The following ZBTB7C variants were observed in gnomAD, a reference collection of about 807,000 sequenced individuals.
ZBTB7C encodes the protein zinc finger and BTB domain-containing protein 7C.
Under a neutral mutation model 25.7 loss-of-function variants are expected in ZBTB7C, and 8 were observed. The ratio of observed to expected loss-of-function variants is 0.31; its 90% CI spans 0.18 to 0.56. The LOEUF (loss-of-function observed/expected upper bound fraction) is 0.56, where lower values mean the gene tolerates loss of function less well. ZBTB7C is among the 20% of genes least tolerant of loss of function. The pLI, the probability that ZBTB7C is intolerant of heterozygous loss-of-function variation, is 0.91. For synonymous variants in ZBTB7C, 394 were observed against 369.0 expected (o/e 1.07, Z -0.78); for missense variants, 824 against 855.2 (o/e 0.96, Z 0.46).
intron 3 of ZBTB7C, among the ~76,000 whole-genome samples, chr18:48,099,963 A>C (rs1425744909): frequency 2.0e-5 from 3 of 152,196 alleles, no homozygotes; most frequent in Non-Finnish European, 4.4e-5. Context: ...TGCAGCCTTA[A>C]CAGCGACCTC....
At chr18:48,216,827 C>T (rs2042835835) in intron 2 of ZBTB7C, among the ~76,000 whole-genome samples, 1 of 152,142 alleles carries the variant, frequency 6.6e-6, no homozygotes, top group African/African-American at 2.4e-5. Context: ...TGTGTCCACC[C>T]CGAATTCATG....
chr18:48,367,196 TATATATACAC>T lies in ZBTB7C; in HGVS notation c.-303-28808_-303-28799del, dbSNP rs1227929874. On this transcript the variant is annotated intron_variant, in intron 1 of 4. Transcript: ENST00000590800. The stretch of plus-strand genomic sequence containing the variant: ...AGTTTTATATATATATATATATATA[TATATATACAC>T]ACACACACACACACACACACACACA... Among the ~76,000 whole-genome samples, 217 of 57,464 alleles carry T rather than the reference TATATATACAC, an allele frequency of 3.8e-3. 3 individuals carry two copies. The highest frequency in any genetic ancestry group is 0.029 in the Middle Eastern group (3 of 104). 37.7% of individuals were successfully genotyped at this position (57,464 alleles called of 152,430 possible). A position where few individuals can be genotyped will look rare whatever the true frequency, so the allele number is the denominator to read the frequency against.
intron 1 of ZBTB7C, among the ~76,000 whole-genome samples, chr18:48,341,851 C>A (rs1411942107): frequency 6.6e-6 from 1 of 152,208 alleles, no homozygotes; most frequent in African/African-American, 2.4e-5. Flanking sequence ...CAAGTGTGAT[C>A]TGGAGATGTT....
chr18:48,077,159 G>A (rs530631539), intron 3 of ZBTB7C, among the ~76,000 whole-genome samples: 137 of 152,196 alleles, frequency 9.0e-4, no homozygotes, highest in African/African-American at 3.1e-3. Context: ...TCCTGCAGGG[G>A]TGGGGTGGAG....
At chr18:48,146,850 T>C (rs1232942958) in intron 3 of ZBTB7C, among the ~76,000 whole-genome samples, 1 of 152,246 alleles carries the variant, frequency 6.6e-6, no homozygotes, top group African/African-American at 2.4e-5. Context: ...TAAAACACCA[T>C]GTGCCACAGA....
intron 3 of ZBTB7C, among the ~76,000 whole-genome samples, chr18:48,162,030 AC>A (rs1283070855): frequency 6.6e-6 from 1 of 151,944 alleles, no homozygotes; most frequent in African/African-American, 2.4e-5. Context: ...GGCGGGCGGG[AC>A]CCGCACTGAC....
intron 1 of ZBTB7C, among the ~76,000 whole-genome samples, chr18:48,384,578 G>C (rs1433107563): frequency 2.6e-5 from 4 of 152,198 alleles, no homozygotes; most frequent in Non-Finnish European, 5.9e-5. Context: ...CATGCGCTTT[G>C]AATGCAGCCC....
chr18:48,174,206 A>G (rs1180043002), intron 3 of ZBTB7C, among the ~76,000 whole-genome samples: 1 of 152,246 alleles, frequency 6.6e-6, no homozygotes, highest in Non-Finnish European at 1.5e-5. Context: ...CATATATCAT[A>G]GACAAAGGGC....
At chr18:48,245,090 G>GTA (rs138848813) in intron 2 of ZBTB7C, among the ~76,000 whole-genome samples, 6,231 of 110,154 alleles carry the variant, frequency 0.057, 253 homozygotes, top group Non-Finnish European at 0.077. Context: ...GTGTGTGTGT[G>GTA]TGTATATATA....
intron 1 of ZBTB7C, among the ~76,000 whole-genome samples, chr18:48,392,752 A>T (rs938391831): frequency 8.5e-5 from 13 of 152,178 alleles, no homozygotes; most frequent in African/African-American, 3.1e-4. Context: ...CGAGGGAGGG[A>T]AGTGCTTTGC....
At chr18:48,263,215 C>T (rs2044220485) in intron 2 of ZBTB7C, among the ~76,000 whole-genome samples, 1 of 152,236 alleles carries the variant, frequency 6.6e-6, no homozygotes, top group Non-Finnish European at 1.5e-5. Flanking sequence ...TCTACCTGCT[C>T]TTCAGGACCA....
intron 2 of ZBTB7C, among the ~76,000 whole-genome samples, chr18:48,328,123 A>G (rs1047167138): frequency 1.3e-5 from 2 of 149,172 alleles, no homozygotes; most frequent in Non-Finnish European, 3.0e-5. Flanking sequence ...TGGAGCTTGC[A>G]GTGAGCCGAG....
chr18:48,267,452 C>T (rs2044347250), intron 2 of ZBTB7C, among the ~76,000 whole-genome samples: 1 of 152,208 alleles, frequency 6.6e-6, no homozygotes, highest in Admixed American at 6.5e-5. Context: ...GCAGCAAAGT[C>T]TTTTCACGAC....
intron 2 of ZBTB7C, among the ~76,000 whole-genome samples, chr18:48,234,662 T>C (rs2043333621): frequency 6.6e-6 from 1 of 152,220 alleles, no homozygotes; most frequent in South Asian, 2.1e-4. Flanking sequence ...CATGTGTGCT[T>C]GAGAAGAATA....
intron 2 of ZBTB7C, among the ~76,000 whole-genome samples, chr18:48,330,896 C>T (rs2046328630): frequency 6.6e-6 from 1 of 152,126 alleles, no homozygotes; most frequent in Non-Finnish European, 1.5e-5. Flanking sequence ...TGCTCAGCTG[C>T]AGAATGTGGG....
chr18:48,358,646 G>C (rs2047032548), intron 1 of ZBTB7C, among the ~76,000 whole-genome samples: 2 of 152,198 alleles, frequency 1.3e-5, no homozygotes, highest in Non-Finnish European at 2.9e-5. Flanking sequence ...GTGCCAGTCA[G>C]GATAGGCTGG....
chr18:48,089,479 GAA>G (rs35998953), intron 3 of ZBTB7C, among the ~76,000 whole-genome samples: 194 of 127,898 alleles, frequency 1.5e-3, no homozygotes, highest in Admixed American at 4.2e-3. Flanking sequence ...ACTCCATCTC[GAA>G]AAAAAAAAAA....
At chr18:48,352,595 C>T (rs1394955602) in intron 1 of ZBTB7C, among the ~76,000 whole-genome samples, 1 of 152,042 alleles carries the variant, frequency 6.6e-6, no homozygotes, top group Non-Finnish European at 1.5e-5. Context: ...AGGATGCTGA[C>T]CAGGGTGAGC....
At chr18:48,218,993 GT>G (rs1323450847) in intron 2 of ZBTB7C, among the ~76,000 whole-genome samples, 1 of 152,142 alleles carries the variant, frequency 6.6e-6, no homozygotes, top group African/African-American at 2.4e-5. Context: ...CCATTTGTAT[GT>G]GTTCACCACA....
Sources: gnomAD v4.1 joint callset for allele counts (sites outside exome capture counted in the v4.1 genomes callset) on GRCh38, gnomAD v4.1.1 for gene constraint, MANE v1.5 for transcripts, NCBI Gene and HGNC (gene_info 2026-07-23, HGNC 2026-07-21) for gene names.